The following PVR variants were observed in gnomAD, a reference collection of about 807,000 sequenced individuals.
PVR encodes the protein poliovirus receptor.
Under a neutral mutation model 43.3 loss-of-function variants are expected in PVR, and 39 were observed. The observed-to-expected ratio is 0.90, with a 90% CI of 0.70 to 1.18. The LOEUF (loss-of-function observed/expected upper bound fraction) is 1.18. PVR is among the 50% of genes most tolerant of loss of function. The pLI is 0.00. For synonymous variants in PVR, 224 were observed against 233.2 expected (o/e 0.96, Z 0.36); for missense variants, 480 against 549.7 (o/e 0.87, Z 1.27).
chr19:44,646,952 A>T (rs1973133057), intron 1 of PVR, among the ~76,000 whole-genome samples: 1 of 152,230 alleles, frequency 6.6e-6, no homozygotes, highest in Non-Finnish European at 1.5e-5. Flanking sequence ...AGATTCAGGG[A>T]AATACGGTAA....
chr19:44,644,000 C>T lies in PVR; in HGVS notation c.-97C>T. On this transcript the variant is annotated 5_prime_UTR_variant, in exon 1 of 8. Coordinates refer to ENST00000425690, the MANE Select transcript of PVR (RefSeq NM_006505.5). ...CCCCCCGGGGATTCCAGGACCTGAG[C>T]TCCGGGAGCTGGACTCGCAGCGACC... is the stretch of plus-strand genomic sequence containing the variant. 2 of 1,014,204 alleles carry T rather than the reference C, an allele frequency of 2.0e-6. No homozygotes were observed. The highest frequency in any genetic ancestry group is 2.8e-6 in the Non-Finnish European group (2 of 723,000). 62.8% of individuals were successfully genotyped at this position (1,014,204 alleles called of 1,614,324 possible).
In PVR at chr19:44,661,829, G is replaced by T. The variant is rs750456208; in HGVS notation, c.*18G>T. On this transcript the variant is annotated 3_prime_UTR_variant, in exon 8 of 8. Transcript: ENST00000425690. ...CAAGGTGACAGCGTCGGGACTGAGAGGGGAGAGAGACTGGAGCTGGCAAGG... is the reference window on the plus strand; with the variant it reads ...CAAGGTGACAGCGTCGGGACTGAGATGGGAGAGAGACTGGAGCTGGCAAGG... 10 of 1,612,158 alleles carry T rather than the reference G, an allele frequency of 6.2e-6. No homozygotes were observed. The Admixed American group carries it at 1.5e-4, about 24-fold the overall frequency.
chr19:44,652,958 T>C (rs989586411), intron 3 of PVR, among the ~76,000 whole-genome samples: 1 of 152,206 alleles, frequency 6.6e-6, no homozygotes, highest in Non-Finnish European at 1.5e-5. Flanking sequence ...GGTGTGTATT[T>C]CGGCCTGGCT....
At chr19:44,655,939 A>G (rs1973434188) in intron 4 of PVR, among the ~76,000 whole-genome samples, 1 of 139,642 alleles carries the variant, frequency 7.2e-6, no homozygotes, top group African/African-American at 2.7e-5. Flanking sequence ...GCACAATCAC[A>G]GCTCACTGCA....
intron 1 of PVR, 85 bp from the exon 2 acceptor site, chr19:44,647,138 G>A (rs2884097): frequency 5.3e-6 from 4 of 753,712 alleles, no homozygotes; most frequent in African/African-American, 2.1e-5. Context: ...GCAAGTGCAC[G>A]CCCAGGTGCC....
chr19:44,649,486 G>A lies in PVR; in HGVS notation c.428-323G>A, dbSNP rs181845994. The stretch of plus-strand genomic sequence containing the variant: ...ACTCTGTCGCCCAGGCTGGAGAGCA[G>A]TGACACAATCTCAGCTCACTGCAAC... On this transcript the variant is annotated intron_variant, in intron 2 of 7. Transcript: ENST00000425690. Among the ~76,000 whole-genome samples the A allele has an allele frequency of 6.2e-5, 9 of 146,104 alleles. No individual in the cohort carries two copies. The East Asian group carries it at 1.8e-3, about 30-fold the overall frequency.
rs1480145616 is a variant in PVR at position 44,663,984 on chromosome 19, C to A, written c.*2173C>A. ...AGAAGATAAAAAGACATGAGGGATC[C>A]ATTCTAATTTGTGTTTGGAGTGTAA... is the stretch of plus-strand genomic sequence containing the variant. On this transcript the variant is annotated 3_prime_UTR_variant, in exon 8 of 8. Coordinates refer to ENST00000425690, the MANE Select transcript of PVR (RefSeq NM_006505.5). The A allele has an allele frequency of 1.3e-5, 2 of 152,060 alleles. No individual in the cohort carries two copies. Among genetic ancestry groups the A allele is most frequent in the African/African-American group, 4.8e-5 (2 of 41,390 alleles). 9.4% of individuals were successfully genotyped at this position (152,060 alleles called of 1,614,324 possible).
chr19:44,644,276 C>A, intron 1 of PVR, 101 bp downstream of exon 1: 1 of 812,686 alleles, frequency 1.2e-6, no homozygotes, highest in Non-Finnish European at 1.8e-6. Context: ...GACGGCCCCG[C>A]CCGGCGCCAC....
intron 3 of PVR, 21 bp downstream of exon 3, chr19:44,650,126 G>C (rs552134352): frequency 6.6e-7 from 1 of 1,508,332 alleles, no homozygotes; most frequent in South Asian, 1.3e-5. Flanking sequence ...CCAAGTCAGC[G>C]ATGGCAAGAA....
chr19:44,647,130 A>T, intron 1 of PVR, 93 bp from the exon 2 acceptor site: 2 of 604,258 alleles, frequency 3.3e-6, no homozygotes, highest in Middle Eastern at 6.8e-4. Flanking sequence ...CCCAGCGTGC[A>T]AGTGCACGCC....
intron 2 of PVR, among the ~76,000 whole-genome samples, chr19:44,648,882 T>C (rs1183672545): frequency 1.3e-5 from 2 of 152,140 alleles, no homozygotes; most frequent in African/African-American, 2.4e-5. Context: ...AGGAGAAATC[T>C]TCGGTAAATA....
At chr19:44,647,077 T>TA in intron 1 of PVR, 146 bp from the exon 2 acceptor site, 2 of 311,372 alleles carry the variant, frequency 6.4e-6, no homozygotes, top group Non-Finnish European at 1.1e-5. Context: ...GTGCCCCAGT[T>TA]CCCCCTCCCC....
At chr19:44,645,942 G>A (rs1428506948) in intron 1 of PVR, among the ~76,000 whole-genome samples, 2 of 152,116 alleles carry the variant, frequency 1.3e-5, no homozygotes, top group Non-Finnish European at 1.5e-5. Context: ...GGACCTGGGG[G>A]ATTAGAGGTC....
intron 4 of PVR, among the ~76,000 whole-genome samples, chr19:44,654,989 T>C (rs1179257271): frequency 6.6e-6 from 1 of 152,156 alleles, no homozygotes; most frequent in East Asian, 1.9e-4. Context: ...TTCCCCAGAT[T>C]CACACTGAGG....
At position 44,651,619 on chromosome 19, in the gene PVR, T is replaced by G. The variant is rs368627575; in HGVS notation, c.724+1514T>G. 2.0e-5 allele frequency among the ~76,000 whole-genome samples: 3 copies of G among 152,078 alleles called. No individual in the cohort carries two copies. The East Asian group carries it at 5.8e-4, about 29-fold the overall frequency. On this transcript the variant is annotated intron_variant, in intron 3 of 7. Coordinates refer to ENST00000425690, the MANE Select transcript of PVR (RefSeq NM_006505.5). Reference sequence around the variant, plus strand: ...TGGCTCATCTACAGGCTATCCAGTCTCACCCCACATCACCACACTGGCCTC... The same window carrying G: ...TGGCTCATCTACAGGCTATCCAGTCGCACCCCACATCACCACACTGGCCTC...
intron 1 of PVR, among the ~76,000 whole-genome samples, chr19:44,645,291 AAT>A (rs1268161837): frequency 2.6e-5 from 3 of 114,494 alleles, no homozygotes; most frequent in South Asian, 2.3e-4. Flanking sequence ...TTTCTTAATA[AAT>A]ATATATTAAA....
intron 6 of PVR, among the ~76,000 whole-genome samples, chr19:44,659,977 T>C (rs1428443785): frequency 6.6e-6 from 1 of 152,168 alleles, no homozygotes; most frequent in Non-Finnish European, 1.5e-5. Context: ...ACAAAGCTGC[T>C]CCCTTACAAC....
rs969380288 is a variant in PVR at position 44,665,740 on chromosome 19, A to G, written c.*3929A>G. The G allele has an allele frequency of 1.3e-5, 2 of 151,786 alleles. No individual in the cohort carries two copies. The highest frequency in any genetic ancestry group is 6.6e-5 in the Admixed American group (1 of 15,174). 9.4% of individuals were successfully genotyped at this position (151,786 alleles called of 1,614,324 possible). Reference sequence around the variant, plus strand: ...TGCTGTTTGTTCTGCTTTCCTCCACATATTGGCATCACCCTCTGGTGCCAA... The same window carrying G: ...TGCTGTTTGTTCTGCTTTCCTCCACGTATTGGCATCACCCTCTGGTGCCAA... On this transcript the variant is annotated 3_prime_UTR_variant, in exon 8 of 8. Transcript: ENST00000425690.
At chr19:44,652,490 T>G (rs1033816781) in intron 3 of PVR, among the ~76,000 whole-genome samples, 10 of 152,156 alleles carry the variant, frequency 6.6e-5, no homozygotes, top group African/African-American at 2.4e-4. Flanking sequence ...TTCAAGTGAT[T>G]CTCCTGCCTC....
Sources: gnomAD v4.1 joint callset for allele counts (sites outside exome capture counted in the v4.1 genomes callset) on GRCh38, gnomAD v4.1.1 for gene constraint, MANE v1.5 for transcripts, NCBI Gene and HGNC (gene_info 2026-07-23, HGNC 2026-07-21) for gene names.